The following AK5 variants were observed in gnomAD, a reference collection of about 807,000 sequenced individuals.
AK5 encodes adenylate kinase isoenzyme 5.
Under a neutral mutation model 69.5 loss-of-function variants are expected in AK5, and 27 were observed. The observed-to-expected ratio is 0.39, with a 90% CI of 0.29 to 0.54. AK5 has a LOEUF of 0.54. Among genes scored for constraint, AK5 ranks in the 20% least tolerant of loss-of-function variants. The pLI, the probability that AK5 is intolerant of heterozygous loss-of-function variation, is 0.71. For synonymous variants in AK5, 260 were observed against 244.4 expected (o/e 1.06, Z -0.60); for missense variants, 531 against 700.4 (o/e 0.76, Z 2.73).
intron 1 of AK5, among the ~76,000 whole-genome samples, chr1:77,284,219 C>T (rs1032248910): frequency 1.3e-5 from 2 of 152,180 alleles, no homozygotes; most frequent in African/African-American, 4.8e-5. Flanking sequence ...TAAGACGAAT[C>T]TGTGCTATGC....
Position 77,282,232 on chromosome 1 carries a change from C to A in AK5, c.-82C>A. On this transcript the variant is annotated 5_prime_UTR_variant, in exon 1 of 14. Transcript: ENST00000354567. ...CACCGCTGCTCGGCGCGGACTCTGC[C>A]AGCCCCAGCTTCAGCCCCGGCTCAG... 7.3e-7 allele frequency: 1 copy of A among 1,370,930 alleles called. No individual in the cohort carries two copies. Among genetic ancestry groups the A allele is most frequent in the Non-Finnish European group, 9.9e-7 (1 of 1,005,710 alleles). 84.9% of individuals were successfully genotyped at this position (1,370,930 alleles called of 1,614,324 possible). A position where few individuals can be genotyped will look rare whatever the true frequency, so the allele number is the denominator to read the frequency against.
intron 13 of AK5, among the ~76,000 whole-genome samples, chr1:77,550,166 C>T (rs774573406): frequency 3.3e-5 from 5 of 152,128 alleles, no homozygotes; most frequent in Non-Finnish European, 2.9e-5. Context: ...TGGTCTCGAG[C>T]TCCTGGGCTG....
intron 8 of AK5, among the ~76,000 whole-genome samples, chr1:77,459,811 G>T (rs1653715728): frequency 6.6e-6 from 1 of 152,218 alleles, no homozygotes; most frequent in African/African-American, 2.4e-5. Context: ...GAAGTGGGAA[G>T]AAGAGCTACT....
At chr1:77,367,900 A>AACATATG (rs1557534648) in intron 6 of AK5, among the ~76,000 whole-genome samples, 2 of 8,222 alleles carry the variant, frequency 2.4e-4, no homozygotes, top group Non-Finnish European at 4.3e-4. Flanking sequence ...TGTGATATAT[A>AACATATG]TTATATATAA....
intron 7 of AK5, among the ~76,000 whole-genome samples, chr1:77,414,898 T>C (rs568313959): frequency 7.9e-5 from 12 of 152,186 alleles, no homozygotes; most frequent in Non-Finnish European, 1.2e-4. Flanking sequence ...GGTCCCATTT[T>C]CAGCAAACCA....
At chr1:77,368,594 A>G (rs1022099500) in intron 6 of AK5, among the ~76,000 whole-genome samples, 5 of 151,822 alleles carry the variant, frequency 3.3e-5, no homozygotes, top group Middle Eastern at 3.2e-3. Flanking sequence ...ACTCACACAT[A>G]GGACTTAATG....
intron 10 of AK5, among the ~76,000 whole-genome samples, chr1:77,512,261 G>A (rs895813457): frequency 6.6e-6 from 1 of 152,142 alleles, no homozygotes; most frequent in African/African-American, 2.4e-5. Flanking sequence ...GAGAGACAGA[G>A]AGAGAGAGAG....
intron 6 of AK5, among the ~76,000 whole-genome samples, chr1:77,367,136 A>G (rs796445641): frequency 2.0e-5 from 3 of 152,020 alleles, no homozygotes; most frequent in African/African-American, 7.2e-5. Flanking sequence ...ATAGTTATAC[A>G]TGCATCCTTA....
chr1:77,501,488 A>G (rs1001848603), intron 10 of AK5, among the ~76,000 whole-genome samples: 3 of 152,188 alleles, frequency 2.0e-5, no homozygotes, highest in African/African-American at 2.4e-5. Context: ...GGTATAGCCT[A>G]TTGCTCCCAG....
chr1:77,535,589 G>GT (rs1346840582), intron 12 of AK5, among the ~76,000 whole-genome samples: 1 of 152,132 alleles, frequency 6.6e-6, no homozygotes, highest in Non-Finnish European at 1.5e-5. Flanking sequence ...TGGCTGCAGT[G>GT]GGTGGCATAT....
chr1:77,406,187 G>T (rs1649618120), intron 6 of AK5, among the ~76,000 whole-genome samples: 1 of 128,142 alleles, frequency 7.8e-6, no homozygotes. Flanking sequence ...CTGTACCTTT[G>T]TGGCCACCTT....
At chr1:77,432,998 T>G (rs1184121582) in intron 8 of AK5, among the ~76,000 whole-genome samples, 1 of 152,210 alleles carries the variant, frequency 6.6e-6, no homozygotes, top group Non-Finnish European at 1.5e-5. Flanking sequence ...ATCAGGTGGA[T>G]TGGTGAACTT....
At chr1:77,457,103 G>A (rs1020971905) in intron 8 of AK5, among the ~76,000 whole-genome samples, 2 of 152,124 alleles carry the variant, frequency 1.3e-5, no homozygotes, top group African/African-American at 4.8e-5. Context: ...GTGGTCAGGC[G>A]TTGTTCTGAT....
At chr1:77,378,740 G>A (rs933670051) in intron 6 of AK5, among the ~76,000 whole-genome samples, 3 of 152,212 alleles carry the variant, frequency 2.0e-5, no homozygotes, top group African/African-American at 7.2e-5. Context: ...GGAACTGAGA[G>A]AGCTCTCCAG....
intron 6 of AK5, among the ~76,000 whole-genome samples, chr1:77,377,384 C>A (rs1647319580): frequency 1.3e-5 from 2 of 152,156 alleles, no homozygotes; most frequent in Admixed American, 1.3e-4. Flanking sequence ...GCTAGACCAC[C>A]CTCTCTCACT....
At chr1:77,557,989 A>G (rs537175091) in intron 13 of AK5, among the ~76,000 whole-genome samples, 62 of 151,756 alleles carry the variant, frequency 4.1e-4, no homozygotes, top group African/African-American at 1.5e-3. Flanking sequence ...GGAACCATAC[A>G]ATATGTACCC....
At chr1:77,435,292 T>C (rs1417610970) in intron 8 of AK5, among the ~76,000 whole-genome samples, 1 of 152,100 alleles carries the variant, frequency 6.6e-6, no homozygotes, top group Non-Finnish European at 1.5e-5. Context: ...CCTCAAGAAA[T>C]GAAATTACCA....
At chr1:77,362,437 T>C (rs1646881303) in intron 6 of AK5, among the ~76,000 whole-genome samples, 1 of 152,178 alleles carries the variant, frequency 6.6e-6, no homozygotes, top group South Asian at 2.1e-4. Context: ...TTTAAATATA[T>C]GTCATTTAAT....
intron 6 of AK5, among the ~76,000 whole-genome samples, chr1:77,403,283 A>G (rs1649368605): frequency 6.6e-6 from 1 of 152,172 alleles, no homozygotes; most frequent in African/African-American, 2.4e-5. Flanking sequence ...TTTTCTGTGC[A>G]GAAGCTCTTT....
Sources: gnomAD v4.1 joint callset for allele counts (sites outside exome capture counted in the v4.1 genomes callset) on GRCh38, gnomAD v4.1.1 for gene constraint, MANE v1.5 for transcripts, NCBI Gene and HGNC (gene_info 2026-07-23, HGNC 2026-07-21) for gene names.